The following SLC4A4 variants were observed in gnomAD, a reference collection of about 807,000 sequenced individuals.
SLC4A4 encodes electrogenic sodium bicarbonate cotransporter 1.
SLC4A4 carries 27 observed loss-of-function variants against 111.5 expected under a neutral mutation model. The ratio of observed to expected loss-of-function variants is 0.24; its 90% CI spans 0.18 to 0.33. The LOEUF (loss-of-function observed/expected upper bound fraction) is 0.33, where lower values mean the gene tolerates loss of function less well. Among genes scored for constraint, SLC4A4 ranks in the 10% least tolerant of loss-of-function variants. SLC4A4 has a pLI of 1.00. For missense variants in SLC4A4, 909 were observed against 1,315.5 expected, an observed-to-expected ratio of 0.69 and a Z score of 4.78; for synonymous variants, 443 against 463.4, an observed-to-expected ratio of 0.96 and a Z score of 0.57.
At chr4:71,248,715 A>T (rs970239105) in intron 2 of SLC4A4, among the ~76,000 whole-genome samples, 3 of 152,166 alleles carry the variant, frequency 2.0e-5, no homozygotes, top group African/African-American at 7.2e-5. Context: ...TTCTATAAAC[A>T]TATTCACTAA....
At chr4:71,302,692 G>A (rs1227845042) in intron 3 of SLC4A4, among the ~76,000 whole-genome samples, 1 of 152,132 alleles carries the variant, frequency 6.6e-6, no homozygotes, top group Non-Finnish European at 1.5e-5. Context: ...TTCTAGATGG[G>A]ACACACATCT....
chr4:71,313,116 C>G (rs1264203198), intron 3 of SLC4A4, among the ~76,000 whole-genome samples: 2 of 152,194 alleles, frequency 1.3e-5, no homozygotes, highest in African/African-American at 4.8e-5. Flanking sequence ...AAATCACAAG[C>G]ATTCCCATAC....
intron 14 of SLC4A4, among the ~76,000 whole-genome samples, chr4:71,484,008 T>C (rs543333293): frequency 1.3e-5 from 2 of 152,082 alleles, no homozygotes; most frequent in South Asian, 2.1e-4. Flanking sequence ...CTTAGCCCAC[T>C]TTTTAATAGG....
intron 1 of SLC4A4, among the ~76,000 whole-genome samples, chr4:71,087,796 A>G (rs1037570382): frequency 5.3e-5 from 8 of 151,958 alleles, no homozygotes; most frequent in Admixed American, 4.6e-4. Context: ...CTACTCTTTT[A>G]CATTTGCTGA....
At chr4:71,525,386 T>C (rs143023318) in intron 16 of SLC4A4, among the ~76,000 whole-genome samples, 1 of 152,210 alleles carries the variant, frequency 6.6e-6, no homozygotes, top group East Asian at 1.9e-4. Flanking sequence ...TAGTCTGATA[T>C]AAAAAAGGCA....
intron 13 of SLC4A4, among the ~76,000 whole-genome samples, chr4:71,470,024 A>T (rs942333478): frequency 1.3e-5 from 2 of 152,004 alleles, no homozygotes; most frequent in African/African-American, 4.8e-5. Flanking sequence ...TTGCTCTTTC[A>T]TCTTCTTGCT....
chr4:71,337,775 C>T (rs941674689), intron 3 of SLC4A4, among the ~76,000 whole-genome samples: 1 of 151,112 alleles, frequency 6.6e-6, no homozygotes, highest in Admixed American at 6.7e-5. Flanking sequence ...ATTCCCAAAC[C>T]CTTGCCCACG....
chr4:71,455,128 ATTTTCTGATC>A (rs1726113103), intron 12 of SLC4A4, among the ~76,000 whole-genome samples: 1 of 152,138 alleles, frequency 6.6e-6, no homozygotes, highest in African/African-American at 2.4e-5. Context: ...GTATTGCTTC[ATTTTCTGATC>A]TTCAAAGAGA....
chr4:71,496,038 A>T (rs548143150), intron 15 of SLC4A4, among the ~76,000 whole-genome samples: 2 of 152,258 alleles, frequency 1.3e-5, no homozygotes, highest in South Asian at 4.1e-4. Context: ...TTCAAACATC[A>T]GTATAAGGGC....
intron 14 of SLC4A4, among the ~76,000 whole-genome samples, chr4:71,483,616 T>C (rs1174797699): frequency 6.6e-6 from 1 of 152,004 alleles, no homozygotes; most frequent in East Asian, 1.9e-4. Context: ...CTGTTGTGGA[T>C]AGTGCTACAG....
intron 1 of SLC4A4, among the ~76,000 whole-genome samples, chr4:71,067,775 G>T (rs1179618723): frequency 6.6e-6 from 1 of 151,642 alleles, no homozygotes; most frequent in Non-Finnish European, 1.5e-5. Context: ...TGAGTTGGGG[G>T]TCTCACTTTG....
chr4:71,181,361 A>T (rs1745288507), intron 2 of SLC4A4, among the ~76,000 whole-genome samples: 2 of 152,196 alleles, frequency 1.3e-5, no homozygotes, highest in South Asian at 4.1e-4. Flanking sequence ...AACTTAAAGT[A>T]TAATAAAAAA....
chr4:71,481,474 G>A lies in SLC4A4; in HGVS notation c.1904-5474G>A, dbSNP rs533498213. Reference sequence around the variant, plus strand: ...CCTATGCAAGAGGTGTGCCAACACTGACACATGGATGTCACCTCCTTTTTT... The same window carrying A: ...CCTATGCAAGAGGTGTGCCAACACTAACACATGGATGTCACCTCCTTTTTT... On this transcript the variant is annotated intron_variant, in intron 14 of 25. Coordinates refer to ENST00000264485, the MANE Select transcript of SLC4A4 (RefSeq NM_001098484.3). 2.6e-5 allele frequency among the ~76,000 whole-genome samples: 4 copies of A among 151,772 alleles called. No homozygotes were observed. The East Asian group carries it at 7.8e-4, about 30-fold the overall frequency.
At chr4:71,559,384 T>C (rs2149251666) in intron 22 of SLC4A4, among the ~76,000 whole-genome samples, 2 of 152,046 alleles carry the variant, frequency 1.3e-5, no homozygotes, top group Middle Eastern at 6.8e-3. Flanking sequence ...TATTCAGTTA[T>C]CTGGGTTCAT....
At chr4:71,201,882 A>G (rs902245867) in intron 1 of SLC4A4, among the ~76,000 whole-genome samples, 2 of 152,236 alleles carry the variant, frequency 1.3e-5, no homozygotes, top group African/African-American at 4.8e-5. Context: ...TGATGATGAC[A>G]TTTGAAGGAT....
intron 3 of SLC4A4, among the ~76,000 whole-genome samples, chr4:71,320,041 T>G (rs907381476): frequency 2.6e-5 from 4 of 152,028 alleles, no homozygotes; most frequent in Admixed American, 1.3e-4. Flanking sequence ...AATCAGCTGC[T>G]GCAAACACTT....
chr4:71,336,889 T>G (rs1728474470), intron 3 of SLC4A4, among the ~76,000 whole-genome samples: 1 of 152,204 alleles, frequency 6.6e-6, no homozygotes, highest in African/African-American at 2.4e-5. Flanking sequence ...GATACAAATT[T>G]TACTTCCAAT....
chr4:71,387,262 G>C (rs759094291), intron 6 of SLC4A4, among the ~76,000 whole-genome samples: 10 of 152,106 alleles, frequency 6.6e-5, no homozygotes, highest in Non-Finnish European at 1.2e-4. Context: ...CATAAATGGT[G>C]TCATGTTCTA....
At chr4:71,262,274 G>A (rs905115784) in intron 3 of SLC4A4, among the ~76,000 whole-genome samples, 2 of 152,100 alleles carry the variant, frequency 1.3e-5, no homozygotes. Flanking sequence ...TTAAATTCAG[G>A]GCTTTATGAG....
Sources: gnomAD v4.1 joint callset for allele counts (sites outside exome capture counted in the v4.1 genomes callset) on GRCh38, gnomAD v4.1.1 for gene constraint, MANE v1.5 for transcripts, NCBI Gene and HGNC (gene_info 2026-07-23, HGNC 2026-07-21) for gene names.